The following DISC1 variants were observed in gnomAD, a reference collection of about 807,000 sequenced individuals.
The protein encoded by DISC1 is DISC1 scaffold protein.
A neutral mutation model predicts 84.5 loss-of-function variants in DISC1; 57 were observed. The observed-to-expected ratio is 0.67, with a 90% confidence interval of 0.55 to 0.84. DISC1 has a LOEUF of 0.84. Among genes scored for constraint, DISC1 ranks in the 40% least tolerant of loss-of-function variants. The probability of loss-of-function intolerance (pLI) is 0.00; values close to 1 mark genes in which losing one functional copy is unlikely to be tolerated. For missense variants in DISC1, 1,000 were observed against 1,057.8 expected, an observed-to-expected ratio of 0.95 and a Z score of 0.76; for synonymous variants, 411 against 415.2, an observed-to-expected ratio of 0.99 and a Z score of 0.12.
intron 4 of DISC1, among the ~76,000 whole-genome samples, chr1:231,762,579 G>A (rs2075844305): frequency 6.7e-6 from 1 of 148,300 alleles, no homozygotes; most frequent in South Asian, 2.2e-4. Context: ...TAGAACTCCT[G>A]GGCTCAAGTG....
intron 6 of DISC1, among the ~76,000 whole-genome samples, chr1:231,777,364 G>A (rs1319229074): frequency 6.6e-5 from 10 of 152,072 alleles, no homozygotes; most frequent in Non-Finnish European, 8.8e-5. Context: ...AGGATTATAG[G>A]TGCATGTCAC....
In DISC1 at chr1:231,776,505, C is replaced by T. The variant is rs138209258; in HGVS notation, c.1634+5435C>T. 1.7e-3 allele frequency among the ~76,000 whole-genome samples: 256 copies of T among 152,294 alleles called. No homozygotes were observed. The South Asian group carries it at 0.018, about 11-fold the overall frequency. On this transcript the variant is annotated intron_variant, in intron 6 of 12. Transcript: ENST00000439617. ...CCTTGGTTGGAGAGTCTGGGAGCCT[C>T]GCGGCAGGGCTGGGCTGGGGAGGCT...
At chr1:231,829,894 G>C (rs998484243) in intron 9 of DISC1, among the ~76,000 whole-genome samples, 1 of 151,746 alleles carries the variant, frequency 6.6e-6, no homozygotes, top group Non-Finnish European at 1.5e-5. Flanking sequence ...GCTCAGTGGG[G>C]GAGCTTTTGA....
chr1:231,647,247 G>A (rs1465606287), intron 1 of DISC1, among the ~76,000 whole-genome samples: 5 of 152,206 alleles, frequency 3.3e-5, no homozygotes, highest in African/African-American at 9.7e-5. Flanking sequence ...TGTATAAGGT[G>A]TAAGGAGGGG....
intron 6 of DISC1, among the ~76,000 whole-genome samples, chr1:231,794,883 G>A (rs1012744297): frequency 6.6e-6 from 1 of 152,098 alleles, no homozygotes; most frequent in Non-Finnish European, 1.5e-5. Context: ...TTCCCTGCTG[G>A]TGAGACACTA....
intron 7 of DISC1, among the ~76,000 whole-genome samples, chr1:231,799,870 TC>T (rs66611759): frequency 0.12 from 262 of 2,224 alleles, 101 homozygotes; most frequent in Non-Finnish European, 0.16. Context: ...TCCCTTCCCT[TC>T]CCCTTCCCCT....
intron 9 of DISC1, among the ~76,000 whole-genome samples, chr1:231,911,842 G>A (rs907973148): frequency 3.3e-5 from 5 of 152,070 alleles, no homozygotes; most frequent in African/African-American, 1.2e-4. Flanking sequence ...TTTTCACATA[G>A]TGCCATATTT....
At chr1:231,916,621 C>T (rs963083275) in intron 9 of DISC1, among the ~76,000 whole-genome samples, 1 of 145,410 alleles carries the variant, frequency 6.9e-6, no homozygotes, top group Non-Finnish European at 1.5e-5. Context: ...CGCCACTGCA[C>T]TCCAGCCTGG....
At chr1:231,724,803 T>C (rs1337699099) in intron 3 of DISC1, among the ~76,000 whole-genome samples, 1 of 152,220 alleles carries the variant, frequency 6.6e-6, no homozygotes, top group Non-Finnish European at 1.5e-5. Context: ...TTTTACATTC[T>C]CAAGTGTCAC....
At chr1:231,998,436 G>A (rs1666241884) in intron 10 of DISC1, among the ~76,000 whole-genome samples, 2 of 152,154 alleles carry the variant, frequency 1.3e-5, no homozygotes, top group South Asian at 2.1e-4. Context: ...AGAAAAAAAG[G>A]TGATGGGCAT....
chr1:231,833,997 G>A (rs936925420), intron 9 of DISC1, among the ~76,000 whole-genome samples: 2 of 152,132 alleles, frequency 1.3e-5, no homozygotes, highest in African/African-American at 4.8e-5. Flanking sequence ...GCTGTAAAGT[G>A]TCTCAGGGTT....
intron 3 of DISC1, chr1:231,722,936 A>G: frequency 8.0e-7 from 1 of 1,247,168 alleles, no homozygotes; most frequent in Non-Finnish European, 1.0e-6. Context: ...GAAACCACCC[A>G]AAAGCAAATG....
At chr1:231,687,726 A>G (rs2064470071) in intron 1 of DISC1, among the ~76,000 whole-genome samples, 1 of 152,250 alleles carries the variant, frequency 6.6e-6, no homozygotes, top group Non-Finnish European at 1.5e-5. Context: ...TGTTGAATTA[A>G]TAATGAATAA....
chr1:231,692,622 T>A (rs1558343025), intron 1 of DISC1, among the ~76,000 whole-genome samples: 1 of 152,222 alleles, frequency 6.6e-6, no homozygotes, highest in Non-Finnish European at 1.5e-5. Context: ...TTTGTTCCAT[T>A]TCTCGCCATA....
At chr1:232,035,993 G>A (rs1670483187) in intron 12 of DISC1, among the ~76,000 whole-genome samples, 1 of 152,152 alleles carries the variant, frequency 6.6e-6, no homozygotes, top group Non-Finnish European at 1.5e-5. Context: ...CTTAAGAAAA[G>A]AAAAGAACCA....
At chr1:231,893,440 GA>G (rs774283094) in intron 9 of DISC1, among the ~76,000 whole-genome samples, 22 of 152,098 alleles carry the variant, frequency 1.4e-4, no homozygotes, top group Non-Finnish European at 2.8e-4. Flanking sequence ...AATTATCTTG[GA>G]AATTTAATAA....
chr1:231,856,756 T>C (rs2084299448), intron 9 of DISC1, among the ~76,000 whole-genome samples: 1 of 152,224 alleles, frequency 6.6e-6, no homozygotes, highest in Non-Finnish European at 1.5e-5. Context: ...TGTTTCATCC[T>C]GCTGAACCTA....
At position 232,028,537 on chromosome 1, in the gene DISC1, A is replaced by G. The variant is rs536778414; in HGVS notation, c.2425+1985A>G. Among the ~76,000 whole-genome samples, 6 of 152,308 alleles carry G rather than the reference A, an allele frequency of 3.9e-5. No individual in the cohort carries two copies. The South Asian group carries it at 1.2e-3, about 32-fold the overall frequency. On this transcript the variant is annotated intron_variant, in intron 12 of 12. Coordinates refer to ENST00000439617, the MANE Select transcript of DISC1 (RefSeq NM_018662.3). ...GCTGATCCAAGCCAGATTTAATAGC[A>G]GCGGGATCATGGACAAGTGATAATG...
At chr1:231,953,668 A>T (rs966288015) in intron 9 of DISC1, among the ~76,000 whole-genome samples, 1 of 152,210 alleles carries the variant, frequency 6.6e-6, no homozygotes. Context: ...GATCTTTGAA[A>T]TCTGATGACT....
Sources: allele counts gnomAD v4.1 joint callset (sites outside exome capture counted in the v4.1 genomes callset), GRCh38; gene constraint gnomAD v4.1.1; transcripts MANE v1.5; gene names NCBI Gene and HGNC (gene_info 2026-07-23, HGNC 2026-07-21).